Variants in HHIP observed in about 807,000 individuals in gnomAD.
HHIP encodes the protein hedgehog-interacting protein.
A neutral mutation model predicts 74.0 loss-of-function variants in HHIP; 12 were observed. The ratio of observed to expected loss-of-function variants is 0.16; its 90% confidence interval spans 0.10 to 0.26. The LOEUF is 0.26. Among genes scored for constraint, HHIP ranks in the 10% least tolerant of loss-of-function variants. The pLI, the probability that HHIP is intolerant of heterozygous loss-of-function variation, is 1.00. For synonymous variants in HHIP, 309 were observed against 311.6 expected (o/e 0.99, Z 0.09); for missense variants, 788 against 845.0 (o/e 0.93, Z 0.84).
chr4:144,653,177 C>T (rs1220156193), intron 2 of HHIP, among the ~76,000 whole-genome samples: 1 of 152,020 alleles, frequency 6.6e-6, no homozygotes, highest in Non-Finnish European at 1.5e-5. Flanking sequence ...ATAGCTGATA[C>T]ATATATATAT....
chr4:144,661,262 G>T (rs984669841), intron 4 of HHIP: 2 of 152,106 alleles, frequency 1.3e-5, no homozygotes, highest in African/African-American at 2.4e-5. Context: ...TACAAGCAAG[G>T]ATATAACAGT....
intron 4 of HHIP, among the ~76,000 whole-genome samples, chr4:144,704,108 C>T (rs1207190466): frequency 6.6e-6 from 1 of 152,072 alleles, no homozygotes; most frequent in African/African-American, 2.4e-5. Context: ...TTTAGGAATC[C>T]TGTTATATAA....
At chr4:144,681,806 G>A (rs1338528484) in intron 4 of HHIP, among the ~76,000 whole-genome samples, 1 of 152,160 alleles carries the variant, frequency 6.6e-6, no homozygotes, top group Non-Finnish European at 1.5e-5. Flanking sequence ...TCACCTTTTG[G>A]GGGCAGAATT....
At chr4:144,679,725 T>G (rs1729281403) in intron 4 of HHIP, among the ~76,000 whole-genome samples, 1 of 152,144 alleles carries the variant, frequency 6.6e-6, no homozygotes, top group African/African-American at 2.4e-5. Flanking sequence ...CTGTTCTGTA[T>G]GACATATTTT....
At chr4:144,707,020 T>C in intron 5 of HHIP, 67 bp from the exon 6 acceptor site, 1 of 1,336,048 alleles carries the variant, frequency 7.5e-7, no homozygotes, top group Non-Finnish European at 1.1e-6. Flanking sequence ...TATATACTAT[T>C]CACTTTCTGA....
intron 4 of HHIP, among the ~76,000 whole-genome samples, chr4:144,672,943 C>T (rs964144047): frequency 6.6e-6 from 1 of 152,140 alleles, no homozygotes; most frequent in East Asian, 1.9e-4. Flanking sequence ...GTGATTCGCC[C>T]GCCTCAGCCT....
intron 4 of HHIP, among the ~76,000 whole-genome samples, chr4:144,703,758 G>A (rs1027555992): frequency 6.6e-6 from 1 of 152,136 alleles, no homozygotes; most frequent in Admixed American, 6.5e-5. Context: ...CCAGGCTCTC[G>A]GGCTAGGACG....
At chr4:144,658,697 C>T (rs2126587179) in intron 2 of HHIP, 93 bp from the exon 3 acceptor site, 1 of 1,057,140 alleles carries the variant, frequency 9.5e-7, no homozygotes, top group Non-Finnish European at 1.4e-6. Flanking sequence ...ACCTAGTTTC[C>T]CAAAATTCTT....
Position 144,738,504 on chromosome 4 carries a change from C to A in HHIP, c.*547C>A. 1.0e-6 allele frequency: 1 copy of A among 976,716 alleles called. No homozygotes were observed. The highest frequency in any genetic ancestry group is 1.2e-6 in the Non-Finnish European group (1 of 821,740). The allele number at this position is 976,716 out of a possible 1,614,324, so 60.5% of individuals were successfully genotyped here. On this transcript the variant is annotated 3_prime_UTR_variant, in exon 13 of 13. Coordinates refer to ENST00000296575, the MANE Select transcript of HHIP (RefSeq NM_022475.3). The stretch of plus-strand genomic sequence containing the variant: ...TCATTTTTGTCAGTGTATCCAGTTA[C>A]AGAATGCTACACACTTACCTTTTTA...
chr4:144,701,323 C>CT (rs56360210), intron 4 of HHIP, among the ~76,000 whole-genome samples: 76,819 of 144,240 alleles, frequency 0.53, 20,446 homozygotes, highest in South Asian at 0.76. Context: ...CTGTTTTTTT[C>CT]TTTTTTTTTT....
intron 6 of HHIP, among the ~76,000 whole-genome samples, chr4:144,707,491 G>A (rs1730178278): frequency 2.6e-5 from 4 of 151,790 alleles, no homozygotes; most frequent in South Asian, 2.1e-4. Flanking sequence ...CTCTGTTCCA[G>A]GGCTGCCTCT....
At position 144,670,889 on chromosome 4, in the gene HHIP, G is replaced by A. The variant is rs370115030; in HGVS notation, c.831+11051G>A. 2.6e-3 allele frequency among the ~76,000 whole-genome samples: 391 copies of A among 151,926 alleles called. 3 individuals are homozygous for A. The highest frequency in any genetic ancestry group is 9.1e-3 in the African/African-American group (376 of 41,476). On this transcript the variant is annotated intron_variant, in intron 4 of 12. Coordinates refer to ENST00000296575, the MANE Select transcript of HHIP (RefSeq NM_022475.3). The stretch of plus-strand genomic sequence containing the variant: ...GGAAAGCTGTGGTGATGAGGCTTCC[G>A]TAAGTGCAAATATCTTTGTGGATGG...
chr4:144,720,950 C>T (rs1358163422), intron 11 of HHIP, among the ~76,000 whole-genome samples: 3 of 152,014 alleles, frequency 2.0e-5, no homozygotes, highest in Non-Finnish European at 4.4e-5. Flanking sequence ...CAGTAGTGTT[C>T]AGGAGGTCTG....
At chr4:144,722,011 C>T (rs543045736) in intron 11 of HHIP, among the ~76,000 whole-genome samples, 1 of 152,162 alleles carries the variant, frequency 6.6e-6, no homozygotes, top group South Asian at 2.1e-4. Flanking sequence ...TGAACAGTCA[C>T]ATCTTATGGC....
At chr4:144,671,811 T>A (rs769228921) in intron 4 of HHIP, among the ~76,000 whole-genome samples, 3 of 152,038 alleles carry the variant, frequency 2.0e-5, no homozygotes, top group African/African-American at 4.8e-5. Context: ...AGTGAAACCC[T>A]GTCTCTACTA....
rs1728454366 is a variant in HHIP, at chr4:144,652,678, A to T, written c.353A>T (p.His118Leu). 1 of 1,611,724 alleles carries T rather than the reference A, an allele frequency of 6.2e-7. No homozygotes were observed. Residue 118 changes from histidine to leucine, a missense_variant, in exon 2 of 13, where the codon CAT becomes CTT. Around this residue, in one of 3 missense-constraint regions of HHIP, gnomAD observed 373 missense variants for 366.4 expected, o/e 1.02. Coordinates refer to ENST00000296575, the MANE Select transcript of HHIP (RefSeq NM_022475.3). ...EEIKCALCSP[H>L]SQSLFHSPER... ...ATCAAATGTGCACTTTGCTCTCCAC[A>T]TTCTCAAAGCCTGTTCCACTCACCT...
chr4:144,737,831 A>G lies in HHIP; in HGVS notation c.1977A>G (p.Lys659=), dbSNP rs937221571. Residue 659 remains lysine (K), a synonymous_variant, in exon 13 of 13, where the codon AAA becomes AAG. Coordinates refer to ENST00000296575, the MANE Select transcript of HHIP (RefSeq NM_022475.3). ...GACCGAACAAGTGCCTCTGTAAAAAAGGATATCTTGGTCCTCAATGTGAAC... is the reference window on the plus strand; with the variant it reads ...GACCGAACAAGTGCCTCTGTAAAAAGGGATATCTTGGTCCTCAATGTGAAC... ...CVRPNKCLCK[K]GYLGPQCEQV... The G allele has an allele frequency of 6.2e-7, 1 of 1,613,822 alleles. No individual in the cohort carries two copies. The highest frequency in any genetic ancestry group is 1.3e-5 in the African/African-American group (1 of 74,914).
rs934097241 is a variant in HHIP at position 144,740,148 on chromosome 4, C to T, written c.*2191C>T. On this transcript the variant is annotated 3_prime_UTR_variant, in exon 13 of 13. Transcript: ENST00000296575. ...TTTTATTACACATTCTCCAATTCTT[C>T]CTAGTTTCCCTGAAAACAATAAGGA... 6.6e-6 allele frequency: 1 copy of T among 152,134 alleles called. No homozygotes were observed. Among genetic ancestry groups the T allele is most frequent in the African/African-American group, 2.4e-5 (1 of 41,442 alleles). 9.4% of individuals were successfully genotyped at this position (152,134 alleles called of 1,614,324 possible).
chr4:144,668,615 G>A (rs1728943899), intron 4 of HHIP, among the ~76,000 whole-genome samples: 1 of 152,022 alleles, frequency 6.6e-6, no homozygotes, highest in African/African-American at 2.4e-5. Context: ...AGCTGGGTGT[G>A]GGGGTGCACA....
Sources: gnomAD v4.1 joint callset for allele counts (sites outside exome capture counted in the v4.1 genomes callset) on GRCh38, gnomAD v4.1.1 for gene constraint, gnomAD v4.1.1 regional missense constraint, MANE v1.5 for transcripts, NCBI Gene and HGNC (gene_info 2026-07-23, HGNC 2026-07-21) for gene names.